PXDNL: variants seen among roughly 807,000 people sequenced by gnomAD.
PXDNL encodes peroxidasin like, also known as probable oxidoreductase PXDNL.
Under a neutral mutation model 150.8 loss-of-function variants are expected in PXDNL, and 145 were observed. The observed-to-expected ratio is 0.96, with a 90% CI of 0.84 to 1.10. The LOEUF (loss-of-function observed/expected upper bound fraction) is 1.10, where lower values mean the gene tolerates loss of function less well. Ranked by LOEUF, PXDNL falls within the 50% of genes least tolerant of loss-of-function variation. The pLI is 0.00. For missense variants in PXDNL, 2,087 were observed against 1,873.9 expected (o/e 1.11, Z -2.10); for synonymous variants, 757 against 725.7 (o/e 1.04, Z -0.69).
rs745869671 is a variant in PXDNL, at chr8:51,345,923, C to A, written c.3926G>T (p.Arg1309Ile). 11 of 1,612,906 alleles carry A rather than the reference C, an allele frequency of 6.8e-6. No individual in the cohort carries two copies. The highest frequency in any genetic ancestry group is 9.3e-6 in the Non-Finnish European group (11 of 1,178,942). ...CTTTTGAGACTCTTGCGTCACTGCTCTGAACTGTCCTCTACTCCTACAGTC... is the reference window on the plus strand; with the variant it reads ...CTTTTGAGACTCTTGCGTCACTGCTATGAACTGTCCTCTACTCCTACAGTC... ...CADCRSRGQF[R>I]AVTQESQKKR... The change falls in exon 20 of 23, where the codon AGA (arginine) becomes ATA (isoleucine). Residue 1309 changes from arginine (R) to isoleucine (I), a missense_variant. Transcript: ENST00000356297.
chr8:51,361,937 CAAAAAAAAAAAAA>C (rs57092440), intron 19 of PXDNL, among the ~76,000 whole-genome samples: 1,050 of 58,214 alleles, frequency 0.018, 18 homozygotes, highest in African/African-American at 0.069. Context: ...GATTCCATCT[CAAAAAAAAAAAAA>C]AAAAAAAAAA....
At chr8:51,350,288 G>A (rs905916055) in intron 19 of PXDNL, among the ~76,000 whole-genome samples, 2 of 149,824 alleles carry the variant, frequency 1.3e-5, no homozygotes, top group Non-Finnish European at 3.0e-5. Flanking sequence ...GACCAGGTAT[G>A]CCATTTAGAT....
At chr8:51,357,996 A>G (rs2915477) in intron 19 of PXDNL, among the ~76,000 whole-genome samples, 111,472 of 152,058 alleles carry the variant, frequency 0.73, 41,411 homozygotes, top group East Asian at 0.94. Flanking sequence ...CTGGGATGGA[A>G]GGTGTCTGTT....
At chr8:51,506,944 C>T (rs986848934) in intron 4 of PXDNL, among the ~76,000 whole-genome samples, 2 of 152,162 alleles carry the variant, frequency 1.3e-5, no homozygotes, top group African/African-American at 4.8e-5. Context: ...TTCATAGTGT[C>T]TAACAGTCAA....
At chr8:51,522,613 G>C (rs932134981) in intron 4 of PXDNL, among the ~76,000 whole-genome samples, 1 of 152,206 alleles carries the variant, frequency 6.6e-6, no homozygotes, top group Non-Finnish European at 1.5e-5. Context: ...GGGGGCCGAA[G>C]TGGGTGGATC....
At chr8:51,509,761 C>T (rs1811371607) in intron 4 of PXDNL, among the ~76,000 whole-genome samples, 1 of 144,818 alleles carries the variant, frequency 6.9e-6, no homozygotes, top group Non-Finnish European at 1.5e-5. Flanking sequence ...CACACACACA[C>T]ACACACACAC....
intron 8 of PXDNL, among the ~76,000 whole-genome samples, chr8:51,471,749 C>T (rs529852751): frequency 6.6e-6 from 1 of 151,064 alleles, no homozygotes; most frequent in East Asian, 1.9e-4. Flanking sequence ...TGCAGTGGCA[C>T]GATCTCAGCT....
chr8:51,622,686 G>T (rs569603691), intron 2 of PXDNL, among the ~76,000 whole-genome samples: 1 of 152,328 alleles, frequency 6.6e-6, no homozygotes, highest in Non-Finnish European at 1.5e-5. Flanking sequence ...GGAAGCTGGT[G>T]CTCCTACCAA....
intron 8 of PXDNL, among the ~76,000 whole-genome samples, chr8:51,460,308 G>T (rs1160590338): frequency 1.3e-5 from 2 of 149,858 alleles, no homozygotes; most frequent in African/African-American, 4.9e-5. Context: ...TTATAGTATA[G>T]TTGTAAAGTT....
intron 19 of PXDNL, among the ~76,000 whole-genome samples, chr8:51,360,075 G>A (rs2915483): frequency 0.73 from 110,474 of 150,544 alleles, 41,038 homozygotes; most frequent in East Asian, 0.94. Flanking sequence ...AGTAGTAAAG[G>A]CAAGCATTTT....
chr8:51,719,176 T>C (rs13266611), intron 1 of PXDNL, among the ~76,000 whole-genome samples: 148,066 of 152,312 alleles, frequency 0.97, 72,113 homozygotes, highest in East Asian at 1. Context: ...TCATTGAGAA[T>C]GATGGCTGTT....
chr8:51,502,342 G>A (rs1811204695), intron 4 of PXDNL, among the ~76,000 whole-genome samples: 1 of 152,154 alleles, frequency 6.6e-6, no homozygotes, highest in African/African-American at 2.4e-5. Context: ...CCGGAGCAGA[G>A]CCTTTCTTGG....
chr8:51,399,661 G>A (rs1808189015), intron 17 of PXDNL, among the ~76,000 whole-genome samples: 1 of 152,220 alleles, frequency 6.6e-6, no homozygotes, highest in Admixed American at 6.5e-5. Context: ...AATGATTACA[G>A]AGGTATGAAT....
rs71237237 is a variant in PXDNL at position 51,760,845 on chromosome 8, CTTTTTTTTT to C, written c.164+48327_164+48335del. On this transcript the variant is annotated intron_variant, in intron 1 of 22. Coordinates refer to ENST00000356297, the MANE Select transcript of PXDNL (RefSeq NM_144651.5). ...GTTAGCCTGAAGGAAATCACTTAAA[CTTTTTTTTT>C]TTTTTTTTTTTTTTTTTTTTTTGAG... Among the ~76,000 whole-genome samples, 67 of 45,494 alleles carry C rather than the reference CTTTTTTTTT, an allele frequency of 1.5e-3. 1 individual carries two copies. In the East Asian group the frequency reaches 0.03, roughly 21 times the overall value. 29.8% of individuals were successfully genotyped at this position (45,494 alleles called of 152,430 possible).
intron 19 of PXDNL, among the ~76,000 whole-genome samples, chr8:51,367,594 C>T (rs1003577530): frequency 6.6e-6 from 1 of 152,058 alleles, no homozygotes; most frequent in Non-Finnish European, 1.5e-5. Flanking sequence ...AGCCTATGGA[C>T]ATATAAGCCC....
At chr8:51,737,092 C>G in intron 1 of PXDNL, among the ~76,000 whole-genome samples, 1 of 152,182 alleles carries the variant, frequency 6.6e-6, no homozygotes, top group East Asian at 1.9e-4. Flanking sequence ...CTTCATTCAT[C>G]AATATCCTCA....
intron 17 of PXDNL, among the ~76,000 whole-genome samples, chr8:51,385,194 C>G (rs569302186): frequency 6.6e-6 from 1 of 151,962 alleles, no homozygotes; most frequent in South Asian, 2.1e-4. Context: ...ATACAGTAAC[C>G]CTTTGAAATC....
chr8:51,524,849 G>A (rs900477565), intron 4 of PXDNL, among the ~76,000 whole-genome samples: 2 of 152,094 alleles, frequency 1.3e-5, no homozygotes, highest in Admixed American at 1.3e-4. Context: ...GCTCTTGGGA[G>A]TTTTCCAACC....
At chr8:51,440,286 G>C (rs1343866842) in intron 12 of PXDNL, among the ~76,000 whole-genome samples, 1 of 152,076 alleles carries the variant, frequency 6.6e-6, no homozygotes, top group East Asian at 1.9e-4. Context: ...GGGAAAGGAT[G>C]GGAGGGTGGT....
Sources: gnomAD v4.1 joint callset for allele counts (sites outside exome capture counted in the v4.1 genomes callset) on GRCh38, gnomAD v4.1.1 for gene constraint, MANE v1.5 for transcripts, NCBI Gene and HGNC (gene_info 2026-07-23, HGNC 2026-07-21) for gene names.